The following ZNF177 variants were observed in gnomAD, a reference collection of about 807,000 sequenced individuals.
The protein encoded by ZNF177 is zinc finger protein 177.
In ZNF177, 17 loss-of-function variants were observed where a neutral mutation model predicts 19.4. The observed-to-expected ratio is 0.87, with a 90% CI of 0.60 to 1.31. The LOEUF (loss-of-function observed/expected upper bound fraction) is 1.31. Among genes scored for constraint, ZNF177 ranks in the 40% most tolerant of loss-of-function variants. The pLI is 0.00. For missense variants in ZNF177, 633 were observed against 561.8 expected, an observed-to-expected ratio of 1.13 and a Z score of -1.28; for synonymous variants, 220 against 188.7, an observed-to-expected ratio of 1.17 and a Z score of -1.36.
At chr19:9,364,504 G>A (rs1459096853) in intron 1 of ZNF177, among the ~76,000 whole-genome samples, 2 of 152,124 alleles carry the variant, frequency 1.3e-5, no homozygotes, top group African/African-American at 2.4e-5. Flanking sequence ...TTTTTGTCGT[G>A]TCGGTGTCAT....
At chr19:9,378,973 C>T in exon 3 of ZNF177, 13 of 1,606,830 alleles carry the variant, frequency 8.1e-6, no homozygotes, top group Non-Finnish European at 1.1e-5. Flanking sequence ...ACTCAGTAAC[C>T]TTCCAGGAAG....
chr19:9,367,271 C>T (rs865886294), intron 2 of ZNF177, among the ~76,000 whole-genome samples: 2 of 151,822 alleles, frequency 1.3e-5, no homozygotes, highest in African/African-American at 2.4e-5. Flanking sequence ...GCAGAGATCG[C>T]ACCACTGCAC....
intron 3 of ZNF177, 96 bp from the exon 6 acceptor site, chr19:9,379,431 A>G: frequency 6.9e-7 from 1 of 1,442,876 alleles, no homozygotes; most frequent in Non-Finnish European, 9.2e-7. Context: ...GACTATTTTA[A>G]TAATCCTTTA....
At chr19:9,367,592 A>G (rs1471615674) in intron 2 of ZNF177, among the ~76,000 whole-genome samples, 1 of 152,168 alleles carries the variant, frequency 6.6e-6, no homozygotes, top group Non-Finnish European at 1.5e-5. Flanking sequence ...TTTCCTTAGA[A>G]TATCTGAATC....
At chr19:9,363,950 A>C (rs755381085) in intron 1 of ZNF177, among the ~76,000 whole-genome samples, 7 of 152,128 alleles carry the variant, frequency 4.6e-5, no homozygotes, top group Non-Finnish European at 1.0e-4. Context: ...CATGTTTGCT[A>C]TGTGTTTTTG....
chr19:9,375,724 G>A (rs1227011315), upstream of ZNF177, among the ~76,000 whole-genome samples: 1 of 151,976 alleles, frequency 6.6e-6, no homozygotes, highest in African/African-American at 2.4e-5. Flanking sequence ...TTAATCTTAA[G>A]TAGTCTGGCT....
intron 1 of ZNF177, 101 bp from the exon 4 acceptor site, chr19:9,378,158 A>G (rs973344503): frequency 5.7e-6 from 6 of 1,049,752 alleles, no homozygotes; most frequent in African/African-American, 4.9e-5. Context: ...ACTACACTCT[A>G]TGTGTATGTT....
Position 9,381,559 on chromosome 19 carries a change from T to TA in ZNF177, c.1229dup (p.Tyr410Ter). 6.2e-7 allele frequency: 1 copy of TA among 1,613,928 alleles called. No individual in the cohort carries two copies. Among genetic ancestry groups the TA allele is most frequent in the South Asian group, 1.1e-5 (1 of 91,068 alleles). ...TGGAAAGTCCTTCAGCACAGGCTCT[T>TA]ACCTTATTGTGCACAAGAGAACTCA... The change falls in exon 6 of 6, where the codon TAC becomes TAAC. Residue 410 changes from tyrosine (Y) to a stop codon, truncating the protein, a stop_gained and frameshift_variant. Transcript: ENST00000589262. LOFTEE classifies it low-confidence loss of function (END_TRUNC).
chr19:9,377,671 A>G lies in ZNF177; in HGVS notation c.-53-588A>G, dbSNP rs75301611. ...AAGAAGACAGAGTCCTAGCTCTGCT[A>G]TAAGATTTGCAGCACTAGATTTTGA... On this transcript the variant is annotated intron_variant, in intron 1 of 5. Transcript: ENST00000589262. 2.6e-3 allele frequency among the ~76,000 whole-genome samples: 368 copies of G among 143,542 alleles called. 3 individuals are homozygous for G. The highest frequency in any genetic ancestry group is 9.3e-3 in the African/African-American group (346 of 37,266). The allele number at this position is 143,542 out of a possible 152,430, so 94.2% of individuals were successfully genotyped here.
At chr19:9,378,451 T>C (rs2068142735) in intron 2 of ZNF177, 107 bp downstream of exon 4, 2 of 1,532,450 alleles carry the variant, frequency 1.3e-6, no homozygotes, top group Admixed American at 2.0e-5. Context: ...GCTGGCTTCA[T>C]CTTCCGCAGC....
chr19:9,373,112 A>G (rs911964359), upstream of ZNF177, among the ~76,000 whole-genome samples: 1 of 152,208 alleles, frequency 6.6e-6, no homozygotes, highest in African/African-American at 2.4e-5. Context: ...CAGCCATCTT[A>G]TAACAGCAAA....
At chr19:9,381,063 T>C (rs779505486) in exon 6 of ZNF177, 1 of 1,607,994 alleles carries the variant, frequency 6.2e-7, no homozygotes, top group South Asian at 1.1e-5. Context: ...CTCCCCTTAG[T>C]GTCCACACAA....
intron 2 of ZNF177, among the ~76,000 whole-genome samples, chr19:9,366,131 C>G (rs1307297186): frequency 6.6e-6 from 1 of 152,086 alleles, no homozygotes; most frequent in Admixed American, 6.5e-5. Context: ...TACAGGCATG[C>G]TCCACCACAC....
At chr19:9,372,081 C>A (rs1169788979), upstream of ZNF177, among the ~76,000 whole-genome samples, 1 of 152,126 alleles carries the variant, frequency 6.6e-6, no homozygotes. Flanking sequence ...TTAAACTGTG[C>A]CTTCCTCAAT....
exon 4 of ZNF177, chr19:9,379,548 G>A (rs2068159772): frequency 5.0e-6 from 8 of 1,613,888 alleles, no homozygotes; most frequent in Non-Finnish European, 6.8e-6. Context: ...TGCAGACACA[G>A]TCTGATCTCC....
chr19:9,365,882 T>C (rs970660027), intron 2 of ZNF177, among the ~76,000 whole-genome samples: 1 of 152,090 alleles, frequency 6.6e-6, no homozygotes, highest in Non-Finnish European at 1.5e-5. Context: ...TAAAATTGGA[T>C]TGATGTTCCT....
intron 2 of ZNF177, among the ~76,000 whole-genome samples, chr19:9,370,363 A>G (rs76143279): frequency 0.021 from 3,187 of 151,606 alleles, 107 homozygotes; most frequent in African/African-American, 0.073. Flanking sequence ...TCACTAGATT[A>G]CTTACAGTAC....
At chr19:9,380,162 C>T in intron 5 of ZNF177, 23 bp downstream of exon 7, 1 of 1,588,440 alleles carries the variant, frequency 6.3e-7, no homozygotes, top group Non-Finnish European at 8.5e-7. Context: ...AGGAAGTATT[C>T]CTGGTCTTTG....
intron 5 of ZNF177, among the ~76,000 whole-genome samples, chr19:9,380,353 A>AGT (rs1020584000): frequency 3.9e-5 from 6 of 152,218 alleles, no homozygotes; most frequent in African/African-American, 1.4e-4. Flanking sequence ...AATAACCACA[A>AGT]GTAAACATCT....
Sources: gnomAD v4.1 joint callset for allele counts (sites outside exome capture counted in the v4.1 genomes callset) on GRCh38, gnomAD v4.1.1 for gene constraint, MANE v1.5 for transcripts, NCBI Gene and HGNC (gene_info 2026-07-23, HGNC 2026-07-21) for gene names.